The following SDF4 variants were observed in gnomAD, a reference collection of about 807,000 sequenced individuals.
SDF4 encodes stromal cell derived factor 4, also known as 45 kDa calcium-binding protein.
In SDF4, 22 loss-of-function variants were observed where a neutral mutation model predicts 34.2. The ratio of observed to expected loss-of-function variants is 0.64; its 90% CI spans 0.46 to 0.92. The LOEUF is 0.92. Among genes scored for constraint, SDF4 ranks in the 40% least tolerant of loss-of-function variants. SDF4 has a pLI of 0.00. For missense variants in SDF4, 447 were observed against 499.9 expected (o/e 0.89, Z 1.01); for synonymous variants, 236 against 203.1 (o/e 1.16, Z -1.38).
intron 4 of SDF4, among the ~76,000 whole-genome samples, chr1:1,221,768 C>CCGGCCAACA (rs1239255168): frequency 1.3e-5 from 2 of 152,148 alleles, no homozygotes; most frequent in African/African-American, 4.8e-5. Flanking sequence ...TGAGACCAAC[C>CCGGCCAACA]CGGCCAACAC....
In SDF4 at chr1:1,223,340, C is replaced by T. The variant is rs373119259; in HGVS notation, c.460G>A (p.Glu154Lys). 3.7e-6 allele frequency: 6 copies of T among 1,611,842 alleles called. No homozygotes were observed. The African/African-American group carries it at 5.3e-5, about 14-fold the overall frequency. ...CTCGCCAAAAACTTCACCTTATACT[C>T]GTCCCAAGACACGTGACCTGGAAGA... ...PDGDGHVSWD[E>K]YKVKFLASKG... The change falls in exon 4 of 7, where the codon GAG (glutamate) becomes AAG (lysine). Residue 154 changes from glutamate to lysine, a missense_variant. By Grantham distance (56) the Glu-to-Lys change is moderately conservative. Transcript: ENST00000360001.
Position 1,228,905 on chromosome 1 carries a change from G to C in SDF4, c.-133C>G, listed in dbSNP as rs1638401454. 1.2e-6 allele frequency: 1 copy of C among 810,600 alleles called. No homozygotes were observed. Among genetic ancestry groups the C allele is most frequent in the Admixed American group, 2.6e-5 (1 of 38,064 alleles). The allele number at this position is 810,600 out of a possible 1,614,324, so 50.2% of individuals were successfully genotyped here. ...CCCCGGGCACCACGGAGGGCTCTGT[G>C]TCCCCAGGACGGCCGCAGGATGGGG... is the stretch of plus-strand genomic sequence containing the variant. On this transcript the variant is annotated 5_prime_UTR_variant, in exon 2 of 7. Coordinates refer to ENST00000360001, the MANE Select transcript of SDF4 (RefSeq NM_016176.6).
At chr1:1,226,222 G>A (rs1343021911) in intron 2 of SDF4, among the ~76,000 whole-genome samples, 2 of 152,198 alleles carry the variant, frequency 1.3e-5, no homozygotes, top group Non-Finnish European at 2.9e-5. Context: ...GCCAGGAAGC[G>A]GGAAGGAAAG....
intron 2 of SDF4, among the ~76,000 whole-genome samples, chr1:1,225,380 CGTCAG>C (rs2100980068): frequency 6.6e-6 from 1 of 152,300 alleles, no homozygotes; most frequent in African/African-American, 2.4e-5. Context: ...AGCAGGCCCT[CGTCAG>C]GCAGGTGTGG....
chr1:1,220,775 A>G (rs2100971562), intron 4 of SDF4: 1 of 1,288,514 alleles, frequency 7.8e-7, no homozygotes, highest in East Asian at 5.6e-5. Context: ...GGAAAGACAG[A>G]CACAATCAGA....
chr1:1,217,611 C>T lies in SDF4; in HGVS notation c.969G>A (p.Gln323=). The change falls in exon 7 of 7, where the codon CAG becomes CAA. Residue 323 remains glutamine, a synonymous_variant. Coordinates refer to ENST00000360001, the MANE Select transcript of SDF4 (RefSeq NM_016176.6). The surrounding 1 kb of genome is among the most constrained non-coding windows in gnomAD (Gnocchi z 8.5). ...KQMIAVADEN[Q]NHHLEPEEVL... ...CCTCCTCGGGCTCCAGGTGGTGGTT[C>T]TGGTTCTCGTCGGCGACGGCGATCA... The T allele has an allele frequency of 1.2e-6, 2 of 1,613,814 alleles. No individual in the cohort carries two copies. Among genetic ancestry groups the T allele is most frequent in the Non-Finnish European group, 1.7e-6 (2 of 1,179,954 alleles).
chr1:1,230,997 T>C (rs1179901278), intron 1 of SDF4, among the ~76,000 whole-genome samples: 2 of 152,304 alleles, frequency 1.3e-5, no homozygotes, highest in East Asian at 3.9e-4. Context: ...AGTTACACGG[T>C]TTACTTGAGG....
At position 1,218,539 on chromosome 1, in the gene SDF4, G is replaced by A. The variant is rs1246123561; in HGVS notation, c.810C>T (p.Asn270=). ...ENQQGQDIDD[N]WVKDRKKEFE... is the part of the protein sequence containing the mutation. ...ACTCCTTTTTTCTGTCTTTCACCCAGTTGTCGTCAATGTCCTGGCCCTGCT... is the reference window on the plus strand; with the variant it reads ...ACTCCTTTTTTCTGTCTTTCACCCAATTGTCGTCAATGTCCTGGCCCTGCT... The change falls in exon 6 of 7, where the codon AAC becomes AAT. Residue 270 remains asparagine, a synonymous_variant. Transcript: ENST00000360001. The surrounding 1 kb of genome is among the most constrained non-coding windows in gnomAD (Gnocchi z 7.9). The A allele has an allele frequency of 1.2e-6, 2 of 1,614,090 alleles. No homozygotes were observed. Among genetic ancestry groups the A allele is most frequent in the Non-Finnish European group, 1.7e-6 (2 of 1,179,956 alleles).
chr1:1,219,361 T>TC (rs1178144505), intron 4 of SDF4: 1 of 1,066,318 alleles, frequency 9.4e-7, no homozygotes, highest in East Asian at 9.4e-5. Context: ...AGGACACAGC[T>TC]CAGAGCCCCT....
At position 1,216,973 on chromosome 1, in the gene SDF4, T is replaced by C. The variant is rs1649531544; in HGVS notation, c.*539A>G. Reference sequence around the variant, plus strand: ...TATGTGATTCTTGTCACAACAAATATTTGCATTTTCTCAGCGGCAGCTGCG... The same window carrying C: ...TATGTGATTCTTGTCACAACAAATACTTGCATTTTCTCAGCGGCAGCTGCG... On this transcript the variant is annotated 3_prime_UTR_variant, in exon 7 of 7. Transcript: ENST00000360001. 1 of 152,180 alleles carries C rather than the reference T, an allele frequency of 6.6e-6. No homozygotes were observed. Among genetic ancestry groups the C allele is most frequent in the African/African-American group, 2.4e-5 (1 of 41,440 alleles). The allele number at this position is 152,180 out of a possible 1,614,324, so 9.4% of individuals were successfully genotyped here.
chr1:1,220,828 T>A, intron 4 of SDF4: 1 of 1,133,144 alleles, frequency 8.8e-7, no homozygotes, highest in Non-Finnish European at 1.2e-6. Context: ...CCCAAGCACA[T>A]CGCCAACAGG....
chr1:1,230,931 C>G (rs566680457), intron 1 of SDF4, among the ~76,000 whole-genome samples: 2 of 152,240 alleles, frequency 1.3e-5, no homozygotes, highest in East Asian at 1.9e-4. Flanking sequence ...TGCAAAGAGA[C>G]TGTACTTTGT....
intron 2 of SDF4, among the ~76,000 whole-genome samples, chr1:1,225,162 C>T (rs1378740947): frequency 1.3e-5 from 2 of 152,198 alleles, no homozygotes; most frequent in Non-Finnish European, 2.9e-5. Flanking sequence ...CAGGCTCCTA[C>T]CCCTGCTGCA....
intron 1 of SDF4, among the ~76,000 whole-genome samples, chr1:1,230,386 G>A (rs1638457679): frequency 6.6e-6 from 1 of 152,166 alleles, no homozygotes; most frequent in Non-Finnish European, 1.5e-5. Context: ...AGTCAGTGCA[G>A]TCTGCCACAA....
At position 1,217,728 on chromosome 1, in the gene SDF4, C is replaced by G. The variant is rs774574788; in HGVS notation, c.892-40G>C. 2 of 1,611,580 alleles carry G rather than the reference C, an allele frequency of 1.2e-6. No individual in the cohort carries two copies. Among genetic ancestry groups the G allele is most frequent in the East Asian group, 2.2e-5 (1 of 44,720 alleles). ...GGCACAGGTCAGCGTCGCCTTTCCC[C>G]CTCCGAGCTCCGCGGCCAGCCGCAC... is the stretch of plus-strand genomic sequence containing the variant. On this transcript the variant is annotated intron_variant, in intron 6 of 6. Coordinates refer to ENST00000360001, the MANE Select transcript of SDF4 (RefSeq NM_016176.6). The surrounding 1 kb of genome is among the most constrained non-coding windows in gnomAD (Gnocchi z 8.5).
chr1:1,223,105 CG>C (rs1650068290), intron 4 of SDF4, 138 bp downstream of exon 4: 1 of 663,150 alleles, frequency 1.5e-6, no homozygotes, highest in Middle Eastern at 4.0e-4. Flanking sequence ...CTCGTACACA[CG>C]GCACGCACAC....
chr1:1,223,195 A>G (rs766493706), intron 4 of SDF4, 49 bp downstream of exon 4: 58 of 1,283,700 alleles, frequency 4.5e-5, no homozygotes, highest in Non-Finnish European at 6.1e-5. Flanking sequence ...ACACGCGCGC[A>G]CACACAGGAT....
chr1:1,218,553 C>T lies in SDF4; in HGVS notation c.796G>A (p.Asp266Asn). 1 of 1,614,120 alleles carries T rather than the reference C, an allele frequency of 6.2e-7. No individual in the cohort carries two copies. The highest frequency in any genetic ancestry group is 8.5e-7 in the Non-Finnish European group (1 of 1,179,968). The change falls in exon 6 of 7, where the codon GAC (aspartate) becomes AAC (asparagine). Residue 266 changes from aspartate (D) to asparagine (N), a missense_variant. Asp to Asn is a conservative substitution (Grantham distance 23). Transcript: ENST00000360001. This position sits in a 1 kb window ranked among gnomAD's most constrained non-coding sequence, Gnocchi z 7.9. ...TCTTTCACCCAGTTGTCGTCAATGT[C>T]CTGGCCCTGCTGGTTCTCCACGGTG... ...VGTVENQQGQ[D>N]IDDNWVKDRK...
rs769963276 is a variant in SDF4, at chr1:1,218,479, G to C, written c.870C>G (p.Ile290Met). Residue 290 changes from isoleucine to methionine, a missense_variant, in exon 6 of 7, where the codon ATC becomes ATG. Physicochemically the swap from Ile to Met is conservative, Grantham distance 10. Coordinates refer to ENST00000360001, the MANE Select transcript of SDF4 (RefSeq NM_016176.6). The surrounding 1 kb of genome is among the most constrained non-coding windows in gnomAD (Gnocchi z 7.9). ...TCACCTCCAGCTCCTCGGCGGTCAC[G>C]ATGCCGTCGTGGTTGGAGTCAATGA... ...EELIDSNHDG[I>M]VTAEELESYM... 1 of 1,612,750 alleles carries C rather than the reference G, an allele frequency of 6.2e-7. No individual in the cohort carries two copies. The highest frequency in any genetic ancestry group is 1.1e-5 in the South Asian group (1 of 91,076).
Sources: gnomAD v4.1 joint callset for allele counts (sites outside exome capture counted in the v4.1 genomes callset) on GRCh38, gnomAD v4.1.1 for gene constraint, Gnocchi (gnomAD v3.1) non-coding constraint, MANE v1.5 for transcripts, NCBI Gene and HGNC (gene_info 2026-07-23, HGNC 2026-07-21) for gene names.